Variants in NME2 observed in about 807,000 individuals in gnomAD.
NME2 encodes the protein NME/NM23 nucleoside diphosphate kinase 2.
Under a neutral mutation model 17.8 loss-of-function variants are expected in NME2, and 18 were observed. The ratio of observed to expected loss-of-function variants is 1.01; its 90% CI spans 0.70 to 1.50. NME2 has a LOEUF of 1.50. Ranked by LOEUF, NME2 falls within the 40% of genes most tolerant of loss-of-function variation. The pLI, the probability that NME2 is intolerant of heterozygous loss-of-function variation, is 0.00. For missense variants in NME2, 161 were observed against 195.6 expected, an observed-to-expected ratio of 0.82 and a Z score of 1.05; for synonymous variants, 74 against 71.4, an observed-to-expected ratio of 1.04 and a Z score of -0.19.
At chr17:51,168,674 A>G (rs1176163248) in intron 3 of NME2, among the ~76,000 whole-genome samples, 2 of 151,536 alleles carry the variant, frequency 1.3e-5, no homozygotes, top group Admixed American at 6.6e-5. Flanking sequence ...CTGTCTCGAC[A>G]AAGAAAAAAG....
chr17:51,168,916 TC>T (rs2050007593), intron 3 of NME2, among the ~76,000 whole-genome samples: 1 of 151,714 alleles, frequency 6.6e-6, no homozygotes. Flanking sequence ...TGAGCCGAGA[TC>T]ATGCCACTGC....
chr17:51,170,731 G>A (rs1348630781), intron 4 of NME2, among the ~76,000 whole-genome samples: 1 of 146,860 alleles, frequency 6.8e-6, no homozygotes, highest in Non-Finnish European at 1.5e-5. Flanking sequence ...AGGCTGCATT[G>A]AGCTAAGATC....
At chr17:51,169,007 C>T (rs1210525834) in intron 3 of NME2, among the ~76,000 whole-genome samples, 1 of 152,054 alleles carries the variant, frequency 6.6e-6, no homozygotes, top group South Asian at 2.1e-4. Flanking sequence ...GTGTTTTAGA[C>T]CTTAATGTTT....
chr17:51,170,028 A>T lies in NME2; in HGVS notation c.320A>T (p.Asp107Val), dbSNP rs770871457. The T allele has an allele frequency of 1.2e-6, 2 of 1,609,898 alleles. No individual in the cohort carries two copies. Among genetic ancestry groups the T allele is most frequent in the East Asian group, 4.5e-5 (2 of 44,496 alleles). Reference protein sequence around the residue: ...ADSKPGTIRGDFCIQVGRNII... With the variant: ...ADSKPGTIRGVFCIQVGRNII... ...TCAAAGCCAGGCACCATTCGTGGGGACTTCTGCATTCAGGTTGGCAGGTAA... is the reference window on the plus strand; with the variant it reads ...TCAAAGCCAGGCACCATTCGTGGGGTCTTCTGCATTCAGGTTGGCAGGTAA... The change falls in exon 4 of 5, where the codon GAC becomes GTC. Residue 107 changes from aspartate to valine, a missense_variant. Transcript: ENST00000512737.
chr17:51,165,867 T>C (rs986329074), upstream of NME2: 4 of 152,092 alleles, frequency 2.6e-5, no homozygotes, highest in Admixed American at 1.3e-4. Flanking sequence ...AGATGGCCGT[T>C]TGAGGTGCTG....
Position 51,166,836 on chromosome 17 carries a change from C to T in NME2, c.6C>T (p.Ala2=), listed in dbSNP as rs762712174. The T allele has an allele frequency of 2.5e-6, 4 of 1,612,700 alleles. No individual in the cohort carries two copies. The Admixed American group carries it at 5.0e-5, about 20-fold the overall frequency. Residue 2 remains alanine (A), a synonymous_variant, in exon 2 of 5, where the codon GCC becomes GCT. Transcript: ENST00000512737. ...ACCTCTCGCCCCGCAGGACCATGGCCAACCTGGAGCGCACCTTCATCGCCA... is the reference window on the plus strand; with the variant it reads ...ACCTCTCGCCCCGCAGGACCATGGCTAACCTGGAGCGCACCTTCATCGCCA... The part of the protein sequence containing the change: M[A]NLERTFIAIK...
intron 3 of NME2, among the ~76,000 whole-genome samples, chr17:51,168,553 C>T (rs1015524419): frequency 2.0e-5 from 3 of 152,128 alleles, no homozygotes; most frequent in Non-Finnish European, 4.4e-5. Flanking sequence ...CGGCTGTAAT[C>T]TCAGCTACTT....
chr17:51,168,487 A>G (rs1414564378), intron 3 of NME2, 144 bp downstream of exon 3: 5 of 786,376 alleles, frequency 6.4e-6, no homozygotes, highest in Non-Finnish European at 1.0e-5. Context: ...GCTTGGGAGG[A>G]GAAAGCAAAT....
At chr17:51,166,704 G>C in intron 1 of NME2, 123 bp from the exon 2 acceptor site, 1 of 1,077,184 alleles carries the variant, frequency 9.3e-7, no homozygotes, top group Non-Finnish European at 1.2e-6. Flanking sequence ...GGAAGCGGCC[G>C]GGAAGCCACG....
At chr17:51,167,256 G>T in intron 2 of NME2, 1 of 454,882 alleles carries the variant, frequency 2.2e-6, no homozygotes, top group Non-Finnish European at 3.8e-6. Context: ...GAAAAACCCC[G>T]GGCCCCAGAC....
In NME2 at chr17:51,171,490, C is replaced by T; in HGVS notation, c.345C>T (p.Asn115=). Residue 115 remains asparagine, a synonymous_variant, in exon 5 of 5, where the codon AAC becomes AAT. Coordinates refer to ENST00000512737, the MANE Select transcript of NME2 (RefSeq NM_002512.4). ...RGDFCIQVGR[N]IIHGSDSVKS... ...TTGTAATTGTTTTCTTTCTTAGGAA[C>T]ATCATTCATGGCAGTGATTCAGTAA... is the stretch of plus-strand genomic sequence containing the variant. 6.2e-7 allele frequency: 1 copy of T among 1,613,158 alleles called. No homozygotes were observed. Among genetic ancestry groups the T allele is most frequent in the Non-Finnish European group, 8.5e-7 (1 of 1,179,314 alleles).
intron 3 of NME2, 103 bp downstream of exon 3, chr17:51,168,446 C>A: frequency 2.4e-6 from 3 of 1,242,678 alleles, no homozygotes; most frequent in African/African-American, 1.5e-5. Flanking sequence ...TGAATGGAAC[C>A]TGCTGAAGTT....
intron 4 of NME2, among the ~76,000 whole-genome samples, chr17:51,170,656 G>A (rs2050052323): frequency 6.6e-6 from 1 of 151,562 alleles, no homozygotes; most frequent in Non-Finnish European, 1.5e-5. Flanking sequence ...GCATGGTGGT[G>A]CATGCCTGTA....
chr17:51,166,718 C>T, intron 1 of NME2, 109 bp from the exon 2 acceptor site: 1 of 1,224,524 alleles, frequency 8.2e-7, no homozygotes, highest in Non-Finnish European at 1.0e-6. Flanking sequence ...AGCCACGTGT[C>T]CCCGCGGCCG....
chr17:51,168,654 G>GCA, intron 3 of NME2, among the ~76,000 whole-genome samples: 1 of 150,200 alleles, frequency 6.7e-6, no homozygotes, highest in East Asian at 2.0e-4. Flanking sequence ...CTGGGCAACA[G>GCA]AGCGAGACTC....
intron 3 of NME2, among the ~76,000 whole-genome samples, chr17:51,169,134 G>A (rs117168488): frequency 0.051 from 7,697 of 151,964 alleles, 263 homozygotes; most frequent in Non-Finnish European, 0.075. Context: ...TGTCCATTTG[G>A]GAGTGGAGAG....
rs780142919 is a variant in NME2 at position 51,171,629 on chromosome 17, T to C, written c.*25T>C. ...AGAGGTGGACACAACAGCAGTCTCC[T>C]TCAGCACGGCGTGGTGTGTCCCTGG... On this transcript the variant is annotated 3_prime_UTR_variant, in exon 5 of 5. Coordinates refer to ENST00000512737, the MANE Select transcript of NME2 (RefSeq NM_002512.4). 1 of 1,563,358 alleles carries C rather than the reference T, an allele frequency of 6.4e-7. No individual in the cohort carries two copies. The highest frequency in any genetic ancestry group is 1.1e-5 in the South Asian group (1 of 89,620).
intron 3 of NME2, 66 bp downstream of exon 3, chr17:51,168,409 C>G: frequency 6.6e-7 from 1 of 1,510,908 alleles, no homozygotes; most frequent in Non-Finnish European, 9.1e-7. Context: ...TTAGACATCT[C>G]CCTCAGCTAA....
chr17:51,170,021 C>T lies in NME2; in HGVS notation c.313C>T (p.Arg105Cys), dbSNP rs777663915. Reference sequence around the variant, plus strand: ...AGCAGATTCAAAGCCAGGCACCATTCGTGGGGACTTCTGCATTCAGGTTGG... The same window carrying T: ...AGCAGATTCAAAGCCAGGCACCATTTGTGGGGACTTCTGCATTCAGGTTGG... The part of the protein sequence containing the change: ...NPADSKPGTI[R>C]GDFCIQVGRN... Residue 105 changes from arginine to cysteine, a missense_variant, in exon 4 of 5, where the codon CGT (arginine) becomes TGT (cysteine). Coordinates refer to ENST00000512737, the MANE Select transcript of NME2 (RefSeq NM_002512.4). 5.6e-6 allele frequency: 9 copies of T among 1,611,520 alleles called. No homozygotes were observed. The highest frequency in any genetic ancestry group is 3.3e-5 in the South Asian group (3 of 90,516).
Sources: allele counts gnomAD v4.1 joint callset (sites outside exome capture counted in the v4.1 genomes callset), GRCh38; gene constraint gnomAD v4.1.1; transcripts MANE v1.5; gene names NCBI Gene and HGNC (gene_info 2026-07-23, HGNC 2026-07-21).